GPC6: variants seen among roughly 807,000 people sequenced by gnomAD.
GPC6 encodes glypican-6.
GPC6 carries 14 observed loss-of-function variants against 55.2 expected under a neutral mutation model. The observed-to-expected ratio is 0.25, with a 90% CI of 0.17 to 0.40. The LOEUF is 0.40. Ranked by LOEUF, GPC6 falls within the 10% of genes least tolerant of loss-of-function variation. The pLI is 1.00. For missense variants in GPC6, 641 were observed against 708.5 expected (o/e 0.90, Z 1.08); for synonymous variants, 278 against 259.6 (o/e 1.07, Z -0.68).
intron 2 of GPC6, among the ~76,000 whole-genome samples, chr13:93,794,751 G>T (rs1886148053): frequency 6.6e-6 from 1 of 152,094 alleles, no homozygotes; most frequent in South Asian, 2.1e-4. Context: ...CAATACTCAA[G>T]GATCAAAACA....
At chr13:93,553,633 T>C (rs1396928874) in intron 2 of GPC6, among the ~76,000 whole-genome samples, 1 of 143,264 alleles carries the variant, frequency 7.0e-6, no homozygotes. Context: ...AGGCAGAGGT[T>C]GCAGTGAGCT....
intron 1 of GPC6, among the ~76,000 whole-genome samples, chr13:93,307,240 G>A (rs746457695): frequency 6.6e-6 from 1 of 152,078 alleles, no homozygotes; most frequent in Non-Finnish European, 1.5e-5. Context: ...TGGTATGGGT[G>A]AAATTATAGC....
At chr13:94,393,208 A>G (rs1880739898) in intron 7 of GPC6, among the ~76,000 whole-genome samples, 1 of 152,182 alleles carries the variant, frequency 6.6e-6, no homozygotes, top group African/African-American at 2.4e-5. Flanking sequence ...TCAGAAAATG[A>G]CCACAGTGAA....
intron 1 of GPC6, among the ~76,000 whole-genome samples, chr13:93,376,794 G>A (rs1289660276): frequency 7.9e-6 from 1 of 126,722 alleles, no homozygotes; most frequent in East Asian, 2.4e-4. Context: ...TTTTTTTTGT[G>A]AGCAGTCTCA....
intron 7 of GPC6, among the ~76,000 whole-genome samples, chr13:94,396,449 C>T (rs1234228954): frequency 6.6e-6 from 1 of 152,150 alleles, no homozygotes; most frequent in Non-Finnish European, 1.5e-5. Context: ...AGGGGTGTAG[C>T]TTGGTGACCA....
At chr13:93,513,715 C>T (rs927026910) in intron 1 of GPC6, among the ~76,000 whole-genome samples, 1 of 152,088 alleles carries the variant, frequency 6.6e-6, no homozygotes, top group Non-Finnish European at 1.5e-5. Context: ...TCTGTGATGC[C>T]AGACTTGTCT....
intron 2 of GPC6, among the ~76,000 whole-genome samples, chr13:93,827,108 C>A (rs1887292764): frequency 6.6e-6 from 1 of 152,178 alleles, no homozygotes; most frequent in Admixed American, 6.5e-5. Flanking sequence ...AATAGCATTT[C>A]TTTCTGCCAA....
chr13:93,260,284 GT>G (rs1369042961), intron 1 of GPC6, among the ~76,000 whole-genome samples: 1 of 151,980 alleles, frequency 6.6e-6, no homozygotes, highest in African/African-American at 2.4e-5. Context: ...AGGGTTCAGT[GT>G]TTTTAGTTTA....
intron 4 of GPC6, among the ~76,000 whole-genome samples, chr13:94,067,466 C>G (rs1884557111): frequency 6.8e-6 from 1 of 146,952 alleles, no homozygotes. Flanking sequence ...ATAGGCCTCT[C>G]TCTGTCTGTC....
chr13:93,847,408 G>A (rs908970246), intron 3 of GPC6, among the ~76,000 whole-genome samples: 5 of 152,038 alleles, frequency 3.3e-5, no homozygotes, highest in Non-Finnish European at 5.9e-5. Flanking sequence ...CCCGTCACTG[G>A]GTTAAATGAC....
At chr13:93,651,453 G>A (rs577023006) in intron 2 of GPC6, among the ~76,000 whole-genome samples, 2 of 152,222 alleles carry the variant, frequency 1.3e-5, no homozygotes, top group Admixed American at 6.5e-5. Flanking sequence ...ACCACAACCA[G>A]CGACTTACAT....
rs146604735 is a variant in GPC6, at chr13:93,259,790, A to AT, written c.160+32181dup. Among the ~76,000 whole-genome samples, 1,169 of 152,108 alleles carry AT rather than the reference A, an allele frequency of 7.7e-3. 18 individuals are homozygous for AT. Among genetic ancestry groups the AT allele is most frequent in the African/African-American group, 0.026 (1,064 of 41,496 alleles). On this transcript the variant is annotated intron_variant, in intron 1 of 8. Transcript: ENST00000377047. ...AAGCTGATTGTTTCCCCATTTAATG[A>AT]TTTTTTTAATAATAATATAGTCAAT...
At chr13:94,011,378 A>C (rs1407111923) in intron 3 of GPC6, among the ~76,000 whole-genome samples, 1 of 152,164 alleles carries the variant, frequency 6.6e-6, no homozygotes, top group East Asian at 1.9e-4. Context: ...ACTATATTTT[A>C]TGTTGCCTTG....
chr13:93,387,782 T>C (rs562677695), intron 1 of GPC6, among the ~76,000 whole-genome samples: 1 of 152,328 alleles, frequency 6.6e-6, no homozygotes, highest in South Asian at 2.1e-4. Flanking sequence ...CGTTTCCACA[T>C]ATGGTCTGAA....
At chr13:93,283,897 C>G (rs916126497) in intron 1 of GPC6, among the ~76,000 whole-genome samples, 3 of 152,162 alleles carry the variant, frequency 2.0e-5, no homozygotes, top group African/African-American at 7.2e-5. Context: ...GGGTACATAA[C>G]TCAGCAAACA....
intron 2 of GPC6, among the ~76,000 whole-genome samples, chr13:93,803,957 G>A (rs1022893501): frequency 6.6e-6 from 1 of 152,062 alleles, no homozygotes; most frequent in Non-Finnish European, 1.5e-5. Flanking sequence ...ATTACTTTCT[G>A]GAGTGATGAA....
At chr13:93,511,673 G>A (rs920443791) in intron 1 of GPC6, among the ~76,000 whole-genome samples, 1 of 151,890 alleles carries the variant, frequency 6.6e-6, no homozygotes. Flanking sequence ...GGTTCCATAT[G>A]AATTTTAGGA....
chr13:93,663,175 G>A (rs1381714293), intron 2 of GPC6, among the ~76,000 whole-genome samples: 6 of 150,718 alleles, frequency 4.0e-5, no homozygotes, highest in African/African-American at 9.8e-5. Context: ...GACATAAAAA[G>A]CCTCCTATGA....
intron 1 of GPC6, among the ~76,000 whole-genome samples, chr13:93,440,787 T>C (rs961623823): frequency 1.1e-4 from 16 of 152,178 alleles, no homozygotes; most frequent in African/African-American, 3.6e-4. Context: ...GTTGGCGTGC[T>C]GCACCCATTA....
Sources: gnomAD v4.1 joint callset for allele counts (sites outside exome capture counted in the v4.1 genomes callset) on GRCh38, gnomAD v4.1.1 for gene constraint, MANE v1.5 for transcripts, NCBI Gene and HGNC (gene_info 2026-07-23, HGNC 2026-07-21) for gene names.